PRKN: variants seen among roughly 807,000 people sequenced by gnomAD.
PRKN encodes E3 ubiquitin-protein ligase parkin.
In PRKN, 56 loss-of-function variants were observed where a neutral mutation model predicts 59.5. The ratio of observed to expected loss-of-function variants is 0.94; its 90% CI spans 0.76 to 1.18. The LOEUF is 1.18. Among genes scored for constraint, PRKN ranks in the 50% most tolerant of loss-of-function variants. The probability of loss-of-function intolerance (pLI) is 0.00; values close to 1 mark genes in which losing one functional copy is unlikely to be tolerated. For synonymous variants in PRKN, 250 were observed against 222.1 expected (o/e 1.13, Z -1.12); for missense variants, 657 against 596.4 (o/e 1.10, Z -1.06).
At chr6:162,276,954 G>C (rs747049848) in intron 2 of PRKN, among the ~76,000 whole-genome samples, 7 of 151,888 alleles carry the variant, frequency 4.6e-5, no homozygotes, top group Non-Finnish European at 1.0e-4. Context: ...ATACAAAAAA[G>C]AATAGATTGA....
intron 4 of PRKN, among the ~76,000 whole-genome samples, chr6:162,113,625 C>T (rs1232647732): frequency 6.6e-6 from 1 of 152,114 alleles, no homozygotes; most frequent in Non-Finnish European, 1.5e-5. Context: ...GTCTGAAAGT[C>T]AAATACTTAC....
At chr6:161,773,907 C>T (rs952471161) in intron 7 of PRKN, among the ~76,000 whole-genome samples, 1 of 152,136 alleles carries the variant, frequency 6.6e-6, no homozygotes, top group African/African-American at 2.4e-5. Flanking sequence ...GTTGTCTTGG[C>T]GTTCCTCCCA....
At position 161,777,412 on chromosome 6, in the gene PRKN, C is replaced by T. The variant is rs142818843; in HGVS notation, c.871+8360G>A. On this transcript the variant is annotated intron_variant, in intron 7 of 11. Coordinates refer to ENST00000366898, the MANE Select transcript of PRKN (RefSeq NM_004562.3). ...ATTTTGTCAATGAAAAAGATTGGTTCATTGTTGCCTGGCCATACCTTGAAG... is the reference window on the plus strand; with the variant it reads ...ATTTTGTCAATGAAAAAGATTGGTTTATTGTTGCCTGGCCATACCTTGAAG... 4.7e-3 allele frequency among the ~76,000 whole-genome samples: 711 copies of T among 151,948 alleles called. 7 individuals are homozygous for T. The highest frequency in any genetic ancestry group is 0.016 in the African/African-American group (666 of 41,454).
intron 6 of PRKN, among the ~76,000 whole-genome samples, chr6:161,822,889 A>G (rs1792090404): frequency 6.6e-6 from 1 of 152,110 alleles, no homozygotes; most frequent in African/African-American, 2.4e-5. Context: ...CAATTTTTTA[A>G]TTGGCTTGTT....
intron 4 of PRKN, among the ~76,000 whole-genome samples, chr6:162,118,031 G>A (rs1265444930): frequency 1.3e-5 from 2 of 152,234 alleles, no homozygotes; most frequent in East Asian, 3.9e-4. Flanking sequence ...GGGAGACAGA[G>A]CTTGCAGTGA....
chr6:161,574,636 A>G (rs1165143024), intron 7 of PRKN, among the ~76,000 whole-genome samples: 5 of 152,148 alleles, frequency 3.3e-5, no homozygotes, highest in South Asian at 2.1e-4. Flanking sequence ...AAGTTAAAAA[A>G]TCATCTCCGG....
intron 7 of PRKN, among the ~76,000 whole-genome samples, chr6:161,621,279 G>C (rs941306627): frequency 1.3e-4 from 20 of 152,088 alleles, no homozygotes; most frequent in Non-Finnish European, 7.4e-5. Context: ...CAAGTTCTAG[G>C]ACAGGCCATC....
intron 7 of PRKN, among the ~76,000 whole-genome samples, chr6:161,587,294 A>T (rs192442283): frequency 2.7e-4 from 41 of 152,336 alleles, no homozygotes; most frequent in African/African-American, 9.4e-4. Flanking sequence ...ATTGATGTTT[A>T]GCAGCTTGTG....
intron 7 of PRKN, among the ~76,000 whole-genome samples, chr6:161,707,272 T>G (rs952520063): frequency 9.5e-5 from 12 of 126,674 alleles, no homozygotes; most frequent in African/African-American, 3.2e-4. Flanking sequence ...ATCTGTACAG[T>G]TATAAGAGAA....
At chr6:162,550,102 T>C (rs1311449792) in intron 1 of PRKN, among the ~76,000 whole-genome samples, 1 of 152,184 alleles carries the variant, frequency 6.6e-6, no homozygotes, top group Non-Finnish European at 1.5e-5. Context: ...TAAAGATCTA[T>C]GTGCAGATAG....
At chr6:162,150,763 G>C (rs897231348) in intron 4 of PRKN, among the ~76,000 whole-genome samples, 1 of 152,096 alleles carries the variant, frequency 6.6e-6, no homozygotes, top group African/African-American at 2.4e-5. Context: ...AATGTTTAAG[G>C]AACTCTGGTT....
intron 6 of PRKN, among the ~76,000 whole-genome samples, chr6:161,855,857 CTAACA>C (rs1421521004): frequency 5.3e-5 from 8 of 152,138 alleles, no homozygotes; most frequent in African/African-American, 9.7e-5. Context: ...TAAATATTAT[CTAACA>C]TAAGAAAGTG....
intron 8 of PRKN, among the ~76,000 whole-genome samples, chr6:161,553,841 T>C (rs1780131183): frequency 6.6e-6 from 1 of 152,224 alleles, no homozygotes; most frequent in African/African-American, 2.4e-5. Flanking sequence ...CCTATCAAGA[T>C]GAGTTTCCAT....
chr6:162,036,246 C>T (rs539911498), intron 5 of PRKN, among the ~76,000 whole-genome samples: 1 of 151,654 alleles, frequency 6.6e-6, no homozygotes, highest in Non-Finnish European at 1.5e-5. Context: ...ATGGCGTGAA[C>T]CCGGGAGGCG....
At chr6:161,630,379 G>A (rs1166836925) in intron 7 of PRKN, among the ~76,000 whole-genome samples, 1 of 151,998 alleles carries the variant, frequency 6.6e-6, no homozygotes, top group African/African-American at 2.4e-5. Context: ...CTGGCACTTG[G>A]GTGACACACA....
intron 8 of PRKN, among the ~76,000 whole-genome samples, chr6:161,568,766 T>C (rs778725905): frequency 6.6e-6 from 1 of 152,260 alleles, no homozygotes; most frequent in Non-Finnish European, 1.5e-5. Context: ...ATACTATATA[T>C]GTGTGTACAT....
Position 162,174,976 on chromosome 6 carries a change from C to T in PRKN, c.534+26155G>A, listed in dbSNP as rs575961641. Among the ~76,000 whole-genome samples the T allele has an allele frequency of 2.6e-5, 4 of 152,312 alleles. No homozygotes were observed. In the East Asian group the frequency reaches 7.7e-4, roughly 29 times the overall value. On this transcript the variant is annotated intron_variant, in intron 4 of 11. Coordinates refer to ENST00000366898, the MANE Select transcript of PRKN (RefSeq NM_004562.3). Reference sequence around the variant, plus strand: ...GAGTTTTTAGATAACTTGGAAATTACACAGCCTACCGAGGTGTCTTTCCCC... The same window carrying T: ...GAGTTTTTAGATAACTTGGAAATTATACAGCCTACCGAGGTGTCTTTCCCC...
chr6:162,641,872 T>G (rs1050751386), intron 1 of PRKN, among the ~76,000 whole-genome samples: 1 of 152,200 alleles, frequency 6.6e-6, no homozygotes, highest in African/African-American at 2.4e-5. Flanking sequence ...TACCAAAAAA[T>G]TAACACGTTT....
At chr6:162,335,549 A>G (rs547407714) in intron 2 of PRKN, among the ~76,000 whole-genome samples, 2 of 152,324 alleles carry the variant, frequency 1.3e-5, no homozygotes, top group African/African-American at 2.4e-5. Flanking sequence ...TTTTCTAAAT[A>G]TACCTTTTGT....
Sources: gnomAD v4.1 joint callset for allele counts (sites outside exome capture counted in the v4.1 genomes callset) on GRCh38, gnomAD v4.1.1 for gene constraint, MANE v1.5 for transcripts, NCBI Gene and HGNC (gene_info 2026-07-23, HGNC 2026-07-21) for gene names.